The following BRINP3 variants were observed in gnomAD, a reference collection of about 807,000 sequenced individuals.
BRINP3 encodes the protein BMP/retinoic acid-inducible neural-specific protein 3.
Under a neutral mutation model 71.0 loss-of-function variants are expected in BRINP3, and 19 were observed. The observed-to-expected ratio is 0.27, with a 90% CI of 0.19 to 0.39. BRINP3 has a LOEUF of 0.39. Among genes scored for constraint, BRINP3 ranks in the 10% least tolerant of loss-of-function variants. The pLI, the probability that BRINP3 is intolerant of heterozygous loss-of-function variation, is 1.00. For missense variants in BRINP3, 959 were observed against 940.8 expected (o/e 1.02, Z -0.25); for synonymous variants, 380 against 337.7 (o/e 1.13, Z -1.37).
At chr1:190,328,268 G>A (rs1296976751) in intron 2 of BRINP3, among the ~76,000 whole-genome samples, 3 of 152,032 alleles carry the variant, frequency 2.0e-5, no homozygotes, top group African/African-American at 7.2e-5. Context: ...CAAAACAAAA[G>A]TTGGTTATTT....
chr1:190,427,465 A>C (rs969879242), intron 2 of BRINP3, among the ~76,000 whole-genome samples: 8 of 152,006 alleles, frequency 5.3e-5, no homozygotes, highest in African/African-American at 1.9e-4. Context: ...ATACTTATAA[A>C]ATAGTTGAAT....
rs376916128 is a variant in BRINP3, at chr1:190,236,147, T to C, written c.619-1670A>G. Reference sequence around the variant, plus strand: ...ATAAACTTTATCTGAAGAAGTTCAATTGTAAAAAACAAGACATAACAAGGT... The same window carrying C: ...ATAAACTTTATCTGAAGAAGTTCAACTGTAAAAAACAAGACATAACAAGGT... On this transcript the variant is annotated intron_variant, in intron 4 of 7. Transcript: ENST00000367462. Among the ~76,000 whole-genome samples the C allele has an allele frequency of 4.8e-4, 73 of 152,024 alleles. No homozygotes were observed. In the East Asian group the frequency reaches 8.7e-3, roughly 18 times the overall value.
intron 2 of BRINP3, among the ~76,000 whole-genome samples, chr1:190,314,010 G>A (rs551211650): frequency 1.2e-4 from 19 of 152,050 alleles, no homozygotes; most frequent in African/African-American, 3.9e-4. Context: ...AGAGATGTGA[G>A]GAGTCACCCA....
intron 7 of BRINP3, among the ~76,000 whole-genome samples, chr1:190,157,980 G>T (rs1237888043): frequency 6.6e-6 from 1 of 152,086 alleles, no homozygotes; most frequent in African/African-American, 2.4e-5. Flanking sequence ...AATGCAGCTT[G>T]AGGCCATTAT....
intron 6 of BRINP3, among the ~76,000 whole-genome samples, chr1:190,216,708 T>A (rs1171834712): frequency 6.6e-6 from 1 of 151,858 alleles, no homozygotes; most frequent in Non-Finnish European, 1.5e-5. Flanking sequence ...ATAGGAAACA[T>A]ACACAACAGA....
Position 190,468,124 on chromosome 1 carries a change from C to A in BRINP3, c.-51+9324G>T, listed in dbSNP as rs1676883095. On this transcript the variant is annotated intron_variant, in intron 1 of 7. Transcript: ENST00000367462. ...ATTTTAATTAATAGTTAATAATTGT[C>A]TGGTTTCAGATCTTGAGCAAATTGT... 5.3e-5 allele frequency among the ~76,000 whole-genome samples: 8 copies of A among 151,086 alleles called. No homozygotes were observed. In the South Asian group the frequency reaches 1.7e-3, roughly 31 times the overall value.
chr1:190,416,858 G>A (rs1479195204), intron 2 of BRINP3, among the ~76,000 whole-genome samples: 1 of 152,108 alleles, frequency 6.6e-6, no homozygotes, highest in Non-Finnish European at 1.5e-5. Context: ...GTGATAACCT[G>A]TGCCTGTTAA....
intron 6 of BRINP3, among the ~76,000 whole-genome samples, chr1:190,188,539 T>C (rs1452552721): frequency 6.6e-6 from 1 of 152,182 alleles, no homozygotes; most frequent in African/African-American, 2.4e-5. Context: ...ACTTCTTCTA[T>C]ACCTTATTAG....
chr1:190,440,450 A>T (rs539303389), intron 2 of BRINP3, among the ~76,000 whole-genome samples: 15 of 151,948 alleles, frequency 9.9e-5, no homozygotes, highest in Admixed American at 2.0e-4. Flanking sequence ...GAAACTTTTA[A>T]TTTCTATATA....
chr1:190,342,864 A>C (rs904102883), intron 2 of BRINP3: 7 of 151,834 alleles, frequency 4.6e-5, no homozygotes, highest in Non-Finnish European at 1.5e-5. Context: ...TCAAATGATA[A>C]ATGTTTGTAT....
intron 2 of BRINP3, among the ~76,000 whole-genome samples, chr1:190,364,728 A>T (rs184259042): frequency 6.6e-5 from 10 of 152,268 alleles, no homozygotes; most frequent in Admixed American, 5.2e-4. Context: ...TCAATAAAAT[A>T]TAGTTGAACC....
chr1:190,205,882 T>C (rs1004420597), intron 6 of BRINP3, among the ~76,000 whole-genome samples: 1 of 152,022 alleles, frequency 6.6e-6, no homozygotes, highest in African/African-American at 2.4e-5. Flanking sequence ...GAGTCACACA[T>C]GCTTTAAGAA....
intron 5 of BRINP3, among the ~76,000 whole-genome samples, chr1:190,226,942 A>T (rs1024728341): frequency 6.6e-6 from 1 of 151,984 alleles, no homozygotes; most frequent in African/African-American, 2.4e-5. Context: ...TCCTAGTGAT[A>T]TAACTCATTA....
chr1:190,161,751 AT>A (rs1475053255), intron 6 of BRINP3, among the ~76,000 whole-genome samples: 2 of 152,288 alleles, frequency 1.3e-5, no homozygotes, highest in South Asian at 4.1e-4. Flanking sequence ...TAATCAACAA[AT>A]ATGAGCATAT....
chr1:190,323,675 A>G (rs1303710579), intron 2 of BRINP3, among the ~76,000 whole-genome samples: 4 of 151,878 alleles, frequency 2.6e-5, no homozygotes, highest in Non-Finnish European at 4.4e-5. Flanking sequence ...GTTGAATATG[A>G]TAACTTATAC....
At chr1:190,105,987 C>T (rs1652127697) in intron 7 of BRINP3, among the ~76,000 whole-genome samples, 1 of 151,816 alleles carries the variant, frequency 6.6e-6, no homozygotes, top group Non-Finnish European at 1.5e-5. Flanking sequence ...TCAAAGATTA[C>T]TGTCAATTGA....
chr1:190,121,715 A>G (rs1327998187), intron 7 of BRINP3, among the ~76,000 whole-genome samples: 1 of 152,164 alleles, frequency 6.6e-6, no homozygotes, highest in Non-Finnish European at 1.5e-5. Flanking sequence ...TTTAGATACT[A>G]TTGTGTGGGG....
At chr1:190,365,998 T>C (rs915272514) in intron 2 of BRINP3, among the ~76,000 whole-genome samples, 1 of 151,818 alleles carries the variant, frequency 6.6e-6, no homozygotes, top group Non-Finnish European at 1.5e-5. Flanking sequence ...CCCTGAGGCA[T>C]AAAGAATCAT....
At chr1:190,195,766 G>T (rs1301532434) in intron 6 of BRINP3, among the ~76,000 whole-genome samples, 1 of 151,140 alleles carries the variant, frequency 6.6e-6, no homozygotes, top group Non-Finnish European at 1.5e-5. Context: ...TTAGCAACTT[G>T]CTAATTAAAT....
Sources: allele counts gnomAD v4.1 joint callset (sites outside exome capture counted in the v4.1 genomes callset), GRCh38; gene constraint gnomAD v4.1.1; transcripts MANE v1.5; gene names NCBI Gene and HGNC (gene_info 2026-07-23, HGNC 2026-07-21).